SLIT3: variants seen among roughly 807,000 people sequenced by gnomAD.
The protein encoded by SLIT3 is slit homolog 3 protein.
SLIT3 carries 68 observed loss-of-function variants against 184.0 expected under a neutral mutation model. That is an observed-to-expected ratio of 0.37 (90% CI 0.30 to 0.45). The LOEUF (loss-of-function observed/expected upper bound fraction) is 0.45. Ranked by LOEUF, SLIT3 falls within the 20% of genes least tolerant of loss-of-function variation. The pLI is 1.00. For synonymous variants in SLIT3, 831 were observed against 828.6 expected (o/e 1.00, Z -0.05); for missense variants, 1,707 against 2,026.0 (o/e 0.84, Z 3.02).
At chr5:168,787,829 C>A (rs941539233) in intron 11 of SLIT3, among the ~76,000 whole-genome samples, 7 of 152,102 alleles carry the variant, frequency 4.6e-5, no homozygotes, top group African/African-American at 1.7e-4. Context: ...TTTACCTTGG[C>A]TTCTCCTGAG....
chr5:168,856,806 T>TGCGCGCGCGCGCGCGCGC (rs61149576), intron 5 of SLIT3, among the ~76,000 whole-genome samples: 2 of 137,740 alleles, frequency 1.5e-5, no homozygotes, highest in African/African-American at 5.5e-5. Context: ...TGTGTGTGTG[T>TGCGCGCGCGCGCGCGCGC]GCGCGCGCGC....
In SLIT3 at chr5:168,993,684, A is replaced by AC. The variant is rs1200147898; in HGVS notation, c.414-110349_414-110348insG. ...TTCTAAGTACACAGGAAAAAAAAAA[A>AC]AACTCCTGACTAAATGATGATAGGC... On this transcript the variant is annotated intron_variant, in intron 4 of 35. Transcript: ENST00000519560. Among the ~76,000 whole-genome samples the AC allele has an allele frequency of 2.7e-5, 4 of 149,106 alleles. No homozygotes were observed. In the East Asian group the frequency reaches 5.8e-4, roughly 22 times the overall value.
chr5:168,777,534 C>T (rs1284299085), intron 12 of SLIT3, among the ~76,000 whole-genome samples: 1 of 152,150 alleles, frequency 6.6e-6, no homozygotes, highest in African/African-American at 2.4e-5. Flanking sequence ...TTTCCTATTG[C>T]TCCTAGATCT....
intron 4 of SLIT3, among the ~76,000 whole-genome samples, chr5:168,952,528 C>CAAAAAAAAAAA (rs372134778): frequency 1.3e-5 from 1 of 77,930 alleles, no homozygotes; most frequent in African/African-American, 5.9e-5. Flanking sequence ...GGGAAAATGC[C>CAAAAAAAAAAA]AAAAAAAAAA....
intron 5 of SLIT3, among the ~76,000 whole-genome samples, chr5:168,867,686 TG>T (rs998085540): frequency 1.3e-5 from 2 of 152,254 alleles, no homozygotes; most frequent in African/African-American, 4.8e-5. Context: ...GAGTTGGTTT[TG>T]GGAAGATCTG....
chr5:168,957,340 C>T (rs532702994), intron 4 of SLIT3, among the ~76,000 whole-genome samples: 11 of 152,188 alleles, frequency 7.2e-5, no homozygotes, highest in South Asian at 4.2e-4. Context: ...GCTGGCATTA[C>T]AGGCAAGAGC....
At chr5:168,856,780 T>TGG (rs1758886712) in intron 5 of SLIT3, among the ~76,000 whole-genome samples, 1 of 143,472 alleles carries the variant, frequency 7.0e-6, no homozygotes, top group Non-Finnish European at 1.5e-5. Context: ...TGTGTGTGTG[T>TGG]GTGTGTGTGT....
At chr5:169,060,390 T>TCGAA (rs111885676) in intron 4 of SLIT3, among the ~76,000 whole-genome samples, 1 of 151,054 alleles carries the variant, frequency 6.6e-6, no homozygotes, top group Non-Finnish European at 1.5e-5. Context: ...AGACTCCATC[T>TCGAA]CAAACAAACA....
intron 29 of SLIT3, among the ~76,000 whole-genome samples, chr5:168,690,031 G>A (rs886345485): frequency 6.6e-6 from 1 of 152,036 alleles, no homozygotes; most frequent in African/African-American, 2.4e-5. Context: ...TTACAATAGA[G>A]GTTTCTAGGA....
At chr5:169,231,368 G>A (rs1392320848) in intron 3 of SLIT3, among the ~76,000 whole-genome samples, 1 of 152,062 alleles carries the variant, frequency 6.6e-6, no homozygotes, top group Admixed American at 6.6e-5. Context: ...CTCTCCATTC[G>A]CAACTCCCCA....
intron 9 of SLIT3, among the ~76,000 whole-genome samples, chr5:168,797,362 G>A (rs972512495): frequency 6.6e-6 from 1 of 152,220 alleles, no homozygotes; most frequent in Non-Finnish European, 1.5e-5. Flanking sequence ...TGCCACTGTG[G>A]CAAGAGATTT....
At chr5:169,184,096 C>G (rs965687720) in intron 4 of SLIT3, among the ~76,000 whole-genome samples, 1 of 152,140 alleles carries the variant, frequency 6.6e-6, no homozygotes, top group African/African-American at 2.4e-5. Context: ...GGTCTACTTG[C>G]TAGCATGTAT....
chr5:168,815,381 C>A (rs939414916), intron 8 of SLIT3, among the ~76,000 whole-genome samples: 2 of 152,184 alleles, frequency 1.3e-5, no homozygotes, highest in African/African-American at 4.8e-5. Context: ...AGGTCATACA[C>A]TACATTAAAC....
chr5:169,249,870 C>T (rs1359163188), intron 2 of SLIT3, among the ~76,000 whole-genome samples: 3 of 152,226 alleles, frequency 2.0e-5, no homozygotes, highest in African/African-American at 7.2e-5. Flanking sequence ...GTGTTTGAGA[C>T]CAAAGACGGA....
intron 5 of SLIT3, among the ~76,000 whole-genome samples, chr5:168,847,267 T>C (rs1758506455): frequency 6.6e-6 from 1 of 152,248 alleles, no homozygotes; most frequent in South Asian, 2.1e-4. Flanking sequence ...AAAATATTTA[T>C]GCATAAGTGT....
intron 4 of SLIT3, among the ~76,000 whole-genome samples, chr5:169,163,038 A>G (rs1466440499): frequency 2.6e-5 from 4 of 152,132 alleles, no homozygotes; most frequent in South Asian, 2.1e-4. Context: ...TCATTAAAAA[A>G]GGGGCTGGGC....
chr5:168,666,869 C>T (rs1220881966), intron 35 of SLIT3, 180 bp from the exon 36 acceptor site: 2 of 950,402 alleles, frequency 2.1e-6, no homozygotes, highest in African/African-American at 3.2e-5. Context: ...GGTGCCTTTC[C>T]TGTACCAGGC....
chr5:168,677,148 G>A (rs959074319), intron 32 of SLIT3, among the ~76,000 whole-genome samples: 1 of 152,232 alleles, frequency 6.6e-6, no homozygotes, highest in African/African-American at 2.4e-5. Flanking sequence ...GTCATGCTTT[G>A]AGGAGAGAGA....
intron 4 of SLIT3, chr5:169,024,303 A>G (rs940485479): frequency 1.3e-5 from 2 of 152,256 alleles, no homozygotes; most frequent in African/African-American, 4.8e-5. Flanking sequence ...CCTGGTAGGC[A>G]GCAGGGCTGG....
Sources: allele counts gnomAD v4.1 joint callset (sites outside exome capture counted in the v4.1 genomes callset), GRCh38; gene constraint gnomAD v4.1.1; transcripts MANE v1.5; gene names NCBI Gene and HGNC (gene_info 2026-07-23, HGNC 2026-07-21).